The following CAMK2D variants were observed in gnomAD, a reference collection of about 807,000 sequenced individuals.
CAMK2D encodes calcium/calmodulin-dependent protein kinase type II subunit delta.
In CAMK2D, 37 loss-of-function variants were observed where a neutral mutation model predicts 84.0. The observed-to-expected ratio is 0.44, with a 90% CI of 0.34 to 0.58. CAMK2D has a LOEUF of 0.58. CAMK2D is among the 20% of genes least tolerant of loss of function. The pLI is 0.02. For synonymous variants in CAMK2D, 202 were observed against 212.5 expected (o/e 0.95, Z 0.43); for missense variants, 448 against 652.5 (o/e 0.69, Z 3.41).
intron 3 of CAMK2D, among the ~76,000 whole-genome samples, chr4:113,642,646 T>C (rs2099136840): frequency 6.6e-6 from 1 of 152,228 alleles, no homozygotes; most frequent in South Asian, 2.1e-4. Flanking sequence ...TATTTTCTTT[T>C]CCATAAAGAG....
intron 16 of CAMK2D, among the ~76,000 whole-genome samples, chr4:113,492,381 G>A (rs894284465): frequency 3.9e-5 from 6 of 152,088 alleles, no homozygotes; most frequent in African/African-American, 1.4e-4. Flanking sequence ...CTTTATTTCT[G>A]CCTTCATTTC....
intron 7 of CAMK2D, among the ~76,000 whole-genome samples, chr4:113,536,393 A>G (rs1397963418): frequency 6.6e-6 from 1 of 152,202 alleles, no homozygotes. Flanking sequence ...CCTGGGAGCC[A>G]TATGTACATC....
intron 16 of CAMK2D, among the ~76,000 whole-genome samples, chr4:113,474,340 T>C (rs2097579055): frequency 6.6e-6 from 1 of 152,194 alleles, no homozygotes; most frequent in Non-Finnish European, 1.5e-5. Flanking sequence ...TGATCAGAGA[T>C]GTTCTAAGCA....
intron 3 of CAMK2D, among the ~76,000 whole-genome samples, chr4:113,624,986 G>A (rs2099061512): frequency 6.6e-6 from 1 of 152,178 alleles, no homozygotes; most frequent in Admixed American, 6.5e-5. Flanking sequence ...GTCCTTGATA[G>A]AAGCAAAGTC....
intron 2 of CAMK2D, among the ~76,000 whole-genome samples, chr4:113,738,207 GAAAAA>G (rs572007050): frequency 9.3e-6 from 1 of 107,876 alleles, no homozygotes; most frequent in Non-Finnish European, 2.0e-5. Context: ...TATGTTCTTT[GAAAAA>G]AAAAAAAAAA....
intron 2 of CAMK2D, among the ~76,000 whole-genome samples, chr4:113,738,207 GAA>G (rs572007050): frequency 2.8e-5 from 3 of 107,872 alleles, no homozygotes; most frequent in African/African-American, 3.3e-5. Context: ...TATGTTCTTT[GAA>G]AAAAAAAAAA....
intron 4 of CAMK2D, among the ~76,000 whole-genome samples, chr4:113,596,528 T>A (rs573068541): frequency 6.6e-6 from 1 of 152,210 alleles, no homozygotes; most frequent in African/African-American, 2.4e-5. Flanking sequence ...AAAGATAATA[T>A]GACTCATTGA....
rs540575012 is a variant in CAMK2D at position 113,704,968 on chromosome 4, T to C, written c.161-43196A>G. Among the ~76,000 whole-genome samples, 13 of 151,986 alleles carry C rather than the reference T, an allele frequency of 8.6e-5. 3 individuals are homozygous for C. Among genetic ancestry groups the C allele is most frequent in the African/African-American group, 2.9e-4 (12 of 41,462 alleles). ...AAAAAAAATGAAGAGCAGATTTCTT[T>C]GGCGCTCAGTTGCTGTTACCAAGTT... On this transcript the variant is annotated intron_variant, in intron 2 of 20. Transcript: ENST00000511664.
chr4:113,489,552 T>C lies in CAMK2D; in HGVS notation c.1135+10911A>G, dbSNP rs370576273. On this transcript the variant is annotated intron_variant, in intron 16 of 20. Transcript: ENST00000511664. ...AATCCAGTCTATCATTGTTGGACAT[T>C]TGGGTTGGTTCCAAGTCTTTGCTAT... is the stretch of plus-strand genomic sequence containing the variant. Among the ~76,000 whole-genome samples the C allele has an allele frequency of 1.1e-4, 16 of 150,602 alleles. No individual in the cohort carries two copies. The East Asian group carries it at 2.4e-3, about 22-fold the overall frequency.
At chr4:113,504,927 A>G in intron 14 of CAMK2D, 49 bp downstream of exon 14, 1 of 1,128,210 alleles carries the variant, frequency 8.9e-7, no homozygotes, top group Non-Finnish European at 1.2e-6. Context: ...ACCACAAAAA[A>G]AAAAAAATGT....
chr4:113,609,421 T>TA (rs765015722), intron 3 of CAMK2D, among the ~76,000 whole-genome samples: 9 of 151,578 alleles, frequency 5.9e-5, no homozygotes, highest in East Asian at 1.9e-4. Context: ...TATGTGATCT[T>TA]AAAAAAAAAC....
chr4:113,689,232 G>A (rs773018284), intron 2 of CAMK2D, among the ~76,000 whole-genome samples: 5 of 151,578 alleles, frequency 3.3e-5, no homozygotes, highest in African/African-American at 7.3e-5. Context: ...GCAACAGAGC[G>A]AGACTCCATC....
At chr4:113,610,075 C>T (rs958142310) in intron 3 of CAMK2D, among the ~76,000 whole-genome samples, 1 of 150,228 alleles carries the variant, frequency 6.7e-6, no homozygotes, top group Non-Finnish European at 1.5e-5. Flanking sequence ...TTTATTTTAG[C>T]TTCAGGTGTA....
intron 6 of CAMK2D, among the ~76,000 whole-genome samples, chr4:113,540,823 ATCTATTATGTTAC>A (rs2098525354): frequency 6.6e-6 from 1 of 152,148 alleles, no homozygotes; most frequent in Admixed American, 6.5e-5. Flanking sequence ...ACTTAATGCA[ATCTATTATGTTAC>A]TCTTTATATA....
intron 2 of CAMK2D, among the ~76,000 whole-genome samples, chr4:113,663,870 C>A (rs1314478302): frequency 6.6e-6 from 1 of 152,012 alleles, no homozygotes; most frequent in African/African-American, 2.4e-5. Flanking sequence ...ACTGTTGTTT[C>A]CCCATAAAAT....
intron 5 of CAMK2D, among the ~76,000 whole-genome samples, chr4:113,549,259 T>A (rs72907828): frequency 1.3e-5 from 2 of 152,170 alleles, no homozygotes; most frequent in Admixed American, 1.3e-4. Context: ...TTGCTTTTTG[T>A]AAAGTATATA....
intron 2 of CAMK2D, among the ~76,000 whole-genome samples, chr4:113,746,874 T>C (rs1222657112): frequency 6.6e-6 from 1 of 151,120 alleles, no homozygotes; most frequent in Non-Finnish European, 1.5e-5. Context: ...TGCTTACTAA[T>C]GATTATACCA....
intron 16 of CAMK2D, among the ~76,000 whole-genome samples, chr4:113,491,257 C>G (rs1465605682): frequency 4.1e-5 from 5 of 121,176 alleles, no homozygotes; most frequent in Admixed American, 1.9e-4. Flanking sequence ...TTTGCCCATT[C>G]AGTATGATAT....
intron 2 of CAMK2D, among the ~76,000 whole-genome samples, chr4:113,704,706 T>C (rs2099437263): frequency 6.6e-6 from 1 of 152,074 alleles, no homozygotes; most frequent in Non-Finnish European, 1.5e-5. Context: ...ATACACACTA[T>C]AAAGCCCACC....
Sources: gnomAD v4.1 joint callset for allele counts (sites outside exome capture counted in the v4.1 genomes callset) on GRCh38, gnomAD v4.1.1 for gene constraint, MANE v1.5 for transcripts, NCBI Gene and HGNC (gene_info 2026-07-23, HGNC 2026-07-21) for gene names.